The following ACSM1 variants were observed in gnomAD, a reference collection of about 807,000 sequenced individuals.
The protein encoded by ACSM1 is acyl-CoA synthetase medium chain family member 1, also known as acyl-coenzyme A synthetase ACSM1, mitochondrial.
In ACSM1, 79 loss-of-function variants were observed where a neutral mutation model predicts 75.8. The observed-to-expected ratio is 1.04, with a 90% confidence interval of 0.87 to 1.26. ACSM1 has a LOEUF of 1.26. Among genes scored for constraint, ACSM1 ranks in the 50% most tolerant of loss-of-function variants. The pLI is 0.00. For missense variants in ACSM1, 676 were observed against 720.1 expected, an observed-to-expected ratio of 0.94 and a Z score of 0.70; for synonymous variants, 279 against 265.8, an observed-to-expected ratio of 1.05 and a Z score of -0.48.
In ACSM1 at chr16:20,691,122, C is replaced by A. The variant is rs761672390; in HGVS notation, c.67G>T (p.Ala23Ser). The change falls in exon 2 of 14, where the codon GCC (alanine) becomes TCC (serine). Residue 23 changes from alanine (A) to serine (S), a missense_variant. Coordinates refer to ENST00000520010, the MANE Select transcript of ACSM1 (RefSeq NM_001318890.3). Reference sequence around the variant, plus strand: ...GACCGGCAGCGCAGCTGTGAAGGGGCAGGGTGGATGTTGTGGAAGGATTTG... The same window carrying A: ...GACCGGCAGCGCAGCTGTGAAGGGGAAGGGTGGATGTTGTGGAAGGATTTG... Reference protein sequence around the residue: ...IHKSFHNIHPAPSQLRCRSLS... With the variant: ...IHKSFHNIHPSPSQLRCRSLS... 6.2e-7 allele frequency: 1 copy of A among 1,613,438 alleles called. No homozygotes were observed. Among genetic ancestry groups the A allele is most frequent in the South Asian group, 1.1e-5 (1 of 90,892 alleles).
At chr16:20,664,775 T>G (rs1412820087) in intron 6 of ACSM1, among the ~76,000 whole-genome samples, 1 of 152,046 alleles carries the variant, frequency 6.6e-6, no homozygotes, top group East Asian at 1.9e-4. Flanking sequence ...CTCAATAAAT[T>G]CAAAAAATCA....
chr16:20,691,871 T>G (rs553193142), intron 1 of ACSM1, among the ~76,000 whole-genome samples: 3 of 150,346 alleles, frequency 2.0e-5, no homozygotes. Context: ...TGTGTGCTGT[T>G]TGTGGTTATG....
At chr16:20,672,539 T>C (rs1779312111) in intron 4 of ACSM1, among the ~76,000 whole-genome samples, 1 of 132,580 alleles carries the variant, frequency 7.5e-6, no homozygotes, top group Non-Finnish European at 1.6e-5. Flanking sequence ...TAAATTTATA[T>C]ATAAAATTAT....
At chr16:20,666,597 G>A (rs2019577944) in intron 6 of ACSM1, among the ~76,000 whole-genome samples, 1 of 151,264 alleles carries the variant, frequency 6.6e-6, no homozygotes, top group Admixed American at 6.6e-5. Flanking sequence ...AAATACCAAT[G>A]TCATTTTTCA....
rs1439240936 is a variant in ACSM1, at chr16:20,678,434, C to A, written c.611+3822G>T. ...CAATCCATGACAAGGGCTTACTCCACCCCCAGGAGTTCAGGAAACAGAAGC... is the reference window on the plus strand; with the variant it reads ...CAATCCATGACAAGGGCTTACTCCAACCCCAGGAGTTCAGGAAACAGAAGC... On this transcript the variant is annotated intron_variant, in intron 4 of 13. Transcript: ENST00000520010. 2.8e-4 allele frequency among the ~76,000 whole-genome samples: 42 copies of A among 152,170 alleles called. 1 individual carries two copies. Among genetic ancestry groups the A allele is most frequent in the Admixed American group, 2.7e-3 (42 of 15,278 alleles).
chr16:20,686,248 C>T (rs1468449675), intron 2 of ACSM1, among the ~76,000 whole-genome samples: 3 of 151,930 alleles, frequency 2.0e-5, no homozygotes, highest in Admixed American at 1.3e-4. Context: ...GAGGTGAGGG[C>T]AGTAACAAAG....
intron 6 of ACSM1, among the ~76,000 whole-genome samples, chr16:20,664,646 A>G (rs2019474225): frequency 6.6e-6 from 1 of 152,216 alleles, no homozygotes; most frequent in Non-Finnish European, 1.5e-5. Flanking sequence ...ACATTTGACC[A>G]ATTGGACCTA....
intron 2 of ACSM1, among the ~76,000 whole-genome samples, chr16:20,686,040 C>G (rs1286332762): frequency 6.6e-6 from 1 of 151,840 alleles, no homozygotes; most frequent in East Asian, 1.9e-4. Context: ...CTTAGTTTCT[C>G]CTCAATAAAA....
Position 20,685,270 on chromosome 16 carries a change from T to G in ACSM1, c.326A>C (p.Gln109Pro). 1 of 1,614,224 alleles carries G rather than the reference T, an allele frequency of 6.2e-7. No individual in the cohort carries two copies. Among genetic ancestry groups the G allele is most frequent in the South Asian group, 1.1e-5 (1 of 91,090 alleles). ...ANVFTQTCGL[Q>P]QGDHLALMLP... ...CATCAAGGCCAGATGGTCTCCCTGT[T>G]GTAGGCCACAGGTCTGTGTGAAGAC... is the stretch of plus-strand genomic sequence containing the variant. Residue 109 changes from glutamine (Q) to proline (P), a missense_variant, in exon 3 of 14, where the codon CAA becomes CCA. Gln to Pro is a moderately conservative substitution (Grantham distance 76, BLOSUM62 -1). Coordinates refer to ENST00000520010, the MANE Select transcript of ACSM1 (RefSeq NM_001318890.3).
chr16:20,658,448 T>C (rs1175363458), intron 7 of ACSM1, among the ~76,000 whole-genome samples: 1 of 150,964 alleles, frequency 6.6e-6, no homozygotes, highest in Non-Finnish European at 1.5e-5. Flanking sequence ...CACTTTTTGA[T>C]GGGGTTGTTC....
intron 7 of ACSM1, among the ~76,000 whole-genome samples, chr16:20,653,366 C>T (rs2018760677): frequency 6.6e-6 from 1 of 152,156 alleles, no homozygotes; most frequent in Non-Finnish European, 1.5e-5. Context: ...CCCTCTCTTA[C>T]CACTCCTATT....
intron 7 of ACSM1, among the ~76,000 whole-genome samples, chr16:20,661,055 T>C (rs1889222244): frequency 6.6e-6 from 1 of 152,126 alleles, no homozygotes; most frequent in African/African-American, 2.4e-5. Context: ...TTCCTCTCCT[T>C]GAAAAACTCT....
chr16:20,634,142 C>A (rs182340559), intron 10 of ACSM1, among the ~76,000 whole-genome samples: 1 of 152,268 alleles, frequency 6.6e-6, no homozygotes, highest in Admixed American at 6.5e-5. Context: ...CAGTCGTCAA[C>A]AAATAGTGCT....
chr16:20,637,598 A>C (rs1441642332), intron 8 of ACSM1, 147 bp from the exon 9 acceptor site: 1 of 723,000 alleles, frequency 1.4e-6, no homozygotes, highest in African/African-American at 1.7e-5. Context: ...GGGAAGCTGG[A>C]AGGCCTTAGT....
intron 11 of ACSM1, among the ~76,000 whole-genome samples, chr16:20,625,725 C>T (rs550311248): frequency 2.4e-4 from 37 of 152,318 alleles, no homozygotes; most frequent in African/African-American, 7.5e-4. Flanking sequence ...GCGGTGCTCC[C>T]GGCTTCTTGC....
intron 4 of ACSM1, among the ~76,000 whole-genome samples, chr16:20,676,920 T>G (rs75412497): frequency 1.3e-5 from 2 of 151,804 alleles, no homozygotes; most frequent in African/African-American, 4.8e-5. Context: ...AACCCAAGAC[T>G]CCCTGCACCT....
rs145170042 is a variant in ACSM1, at chr16:20,625,512, C to A, written c.1438G>T (p.Gly480Trp). The change falls in exon 12 of 14, where the codon GGG (glycine) becomes TGG (tryptophan). Residue 480 changes from glycine to tryptophan, a missense_variant. Gly to Trp is a radical substitution (Grantham distance 184, BLOSUM62 -2). Coordinates refer to ENST00000520010, the MANE Select transcript of ACSM1 (RefSeq NM_001318890.3). ...AAAGCGCTTTCAACCTCTGCAGGCC[C>A]GATGCGATACCTGGAGGATGAAGGG... ...DIINASGYRIGPAEVESALVE... is the reference protein window; with the variant it reads ...DIINASGYRIWPAEVESALVE... The A allele has an allele frequency of 5.4e-5, 87 of 1,613,830 alleles. No individual in the cohort carries two copies. Among genetic ancestry groups the A allele is most frequent in the Non-Finnish European group, 6.9e-5 (82 of 1,179,980 alleles).
intron 5 of ACSM1, among the ~76,000 whole-genome samples, chr16:20,670,303 C>G (rs548102798): frequency 7.4e-4 from 113 of 152,294 alleles, no homozygotes; most frequent in Non-Finnish European, 1.3e-3. Flanking sequence ...TGACCTCCTC[C>G]CATCTCCCAT....
chr16:20,659,082 A>G (rs969113717), intron 7 of ACSM1, among the ~76,000 whole-genome samples: 1 of 152,192 alleles, frequency 6.6e-6, no homozygotes. Flanking sequence ...GAAAGGCACA[A>G]TTAAAGACTC....
Sources: gnomAD v4.1 joint callset for allele counts (sites outside exome capture counted in the v4.1 genomes callset) on GRCh38, gnomAD v4.1.1 for gene constraint, MANE v1.5 for transcripts, NCBI Gene and HGNC (gene_info 2026-07-23, HGNC 2026-07-21) for gene names.